GRM5: variants seen among roughly 807,000 people sequenced by gnomAD.
GRM5 encodes metabotropic glutamate receptor 5.
Under a neutral mutation model 83.1 loss-of-function variants are expected in GRM5, and 19 were observed. The observed-to-expected ratio is 0.23, with a 90% confidence interval of 0.16 to 0.34. GRM5 has a LOEUF of 0.34. Ranked by LOEUF, GRM5 falls within the 10% of genes least tolerant of loss-of-function variation. The pLI is 1.00. For missense variants in GRM5, 1,160 were observed against 1,588.3 expected (o/e 0.73, Z 4.58); for synonymous variants, 675 against 633.6 (o/e 1.07, Z -0.98).
chr11:88,842,026 C>T (rs577480111), intron 3 of GRM5, among the ~76,000 whole-genome samples: 1 of 152,208 alleles, frequency 6.6e-6, no homozygotes. Context: ...TAATTTTATG[C>T]AGTTATGATT....
Position 89,047,961 on chromosome 11 carries a change from T to C in GRM5, c.-89A>G. 3 of 921,740 alleles carry C rather than the reference T, an allele frequency of 3.3e-6. No homozygotes were observed. The highest frequency in any genetic ancestry group is 3.4e-6 in the Non-Finnish European group (2 of 594,212). 57.1% of individuals were successfully genotyped at this position (921,740 alleles called of 1,614,324 possible). Reference sequence around the variant, plus strand: ...AGCTACGAACAAGCGATGTCCTACGTTGAGTCGCAAATCAAGAAATTAGCC... The same window carrying C: ...AGCTACGAACAAGCGATGTCCTACGCTGAGTCGCAAATCAAGAAATTAGCC... On this transcript the variant is annotated 5_prime_UTR_variant, in exon 2 of 10. Transcript: ENST00000305447. The surrounding 1 kb of genome is among the most constrained non-coding windows in gnomAD (Gnocchi z 5.1).
intron 2 of GRM5, among the ~76,000 whole-genome samples, chr11:88,916,317 A>ATC (rs1361722264): frequency 1.3e-5 from 2 of 152,250 alleles, no homozygotes; most frequent in East Asian, 3.9e-4. Context: ...CCCCCAGTTC[A>ATC]TCACAAGGCA....
chr11:88,971,320 C>G (rs989921171), intron 2 of GRM5, among the ~76,000 whole-genome samples: 1 of 152,028 alleles, frequency 6.6e-6, no homozygotes, highest in East Asian at 1.9e-4. Context: ...GGCACATGTG[C>G]GGGTTTGACA....
intron 3 of GRM5, among the ~76,000 whole-genome samples, chr11:88,693,802 A>G (rs1035244213): frequency 1.1e-4 from 17 of 152,242 alleles, no homozygotes; most frequent in African/African-American, 3.9e-4. Flanking sequence ...CTAGAGCCAC[A>G]CTAATTGATC....
At chr11:88,865,054 A>C (rs1317180399) in intron 2 of GRM5, among the ~76,000 whole-genome samples, 2 of 152,048 alleles carry the variant, frequency 1.3e-5, no homozygotes, top group Non-Finnish European at 2.9e-5. Context: ...TCAAACAAAT[A>C]AGAGAGGACA....
chr11:88,854,830 T>C lies in GRM5; in HGVS notation c.662-4675A>G, dbSNP rs189709099. 1.4e-4 allele frequency among the ~76,000 whole-genome samples: 22 copies of C among 152,042 alleles called. No homozygotes were observed. The East Asian group carries it at 4.2e-3, about 29-fold the overall frequency. On this transcript the variant is annotated intron_variant, in intron 2 of 9. Transcript: ENST00000305447. ...TAAAATAAAAAACTTTCTGCTAACCTAGGAAAAATGTTTTATTTGAACTGT... is the reference window on the plus strand; with the variant it reads ...TAAAATAAAAAACTTTCTGCTAACCCAGGAAAAATGTTTTATTTGAACTGT...
intron 4 of GRM5, among the ~76,000 whole-genome samples, chr11:88,621,556 G>A (rs976445112): frequency 3.9e-5 from 6 of 152,062 alleles, no homozygotes; most frequent in African/African-American, 1.4e-4. Context: ...TTAGAAACTT[G>A]CTAATTGTTA....
intron 4 of GRM5, among the ~76,000 whole-genome samples, chr11:88,605,329 G>T (rs933158401): frequency 2.7e-5 from 4 of 150,720 alleles, no homozygotes; most frequent in African/African-American, 9.8e-5. Context: ...TACCTTTTTG[G>T]TTCAGAAATC....
intron 3 of GRM5, among the ~76,000 whole-genome samples, chr11:88,759,355 G>A (rs1265666321): frequency 2.0e-5 from 3 of 151,974 alleles, no homozygotes; most frequent in Non-Finnish European, 2.9e-5. Context: ...GACACACAAA[G>A]GTTCAAAATT....
chr11:88,964,427 T>C (rs559768363), intron 2 of GRM5, among the ~76,000 whole-genome samples: 88 of 152,248 alleles, frequency 5.8e-4, no homozygotes, highest in African/African-American at 2.0e-3. Flanking sequence ...ATTCTATATT[T>C]TGCTCAGTAG....
chr11:88,968,466 T>C (rs749313631), intron 2 of GRM5, among the ~76,000 whole-genome samples: 3 of 152,082 alleles, frequency 2.0e-5, no homozygotes, highest in Non-Finnish European at 4.4e-5. Context: ...GAGGATTACT[T>C]GAAGCTGGAA....
intron 8 of GRM5, among the ~76,000 whole-genome samples, chr11:88,555,161 TA>T (rs1489564482): frequency 6.6e-6 from 1 of 152,152 alleles, no homozygotes; most frequent in Non-Finnish European, 1.5e-5. Context: ...ACAGAGTTAA[TA>T]ATATCTGACT....
At chr11:88,943,199 T>C (rs1938169206) in intron 2 of GRM5, among the ~76,000 whole-genome samples, 1 of 152,114 alleles carries the variant, frequency 6.6e-6, no homozygotes, top group Non-Finnish European at 1.5e-5. Context: ...TGTTAGGCAA[T>C]TCCTTTTGAT....
intron 3 of GRM5, among the ~76,000 whole-genome samples, chr11:88,826,252 G>C (rs1352371569): frequency 1.3e-5 from 2 of 151,850 alleles, no homozygotes; most frequent in African/African-American, 4.8e-5. Flanking sequence ...ACAAGAAAGA[G>C]TATTTTACTT....
intron 3 of GRM5, among the ~76,000 whole-genome samples, chr11:88,769,335 T>A (rs958519560): frequency 6.6e-6 from 1 of 151,806 alleles, no homozygotes; most frequent in Non-Finnish European, 1.5e-5. Context: ...TATGGACTTG[T>A]GTATATACAC....
At chr11:88,971,177 A>G (rs537730183) in intron 2 of GRM5, among the ~76,000 whole-genome samples, 1 of 152,314 alleles carries the variant, frequency 6.6e-6, no homozygotes, top group African/African-American at 2.4e-5. Flanking sequence ...GTGCACAATG[A>G]TCAAATATGA....
chr11:89,023,781 C>T (rs777398930), intron 2 of GRM5, among the ~76,000 whole-genome samples: 6 of 151,484 alleles, frequency 4.0e-5, no homozygotes, highest in Admixed American at 3.3e-4. Context: ...ACCCAGGAGG[C>T]GGAGGTTGCA....
chr11:88,963,802 G>T (rs1938858149), intron 2 of GRM5, among the ~76,000 whole-genome samples: 1 of 152,168 alleles, frequency 6.6e-6, no homozygotes, highest in Non-Finnish European at 1.5e-5. Flanking sequence ...AGGCTGTGAA[G>T]ATACAGATAT....
intron 9 of GRM5, among the ~76,000 whole-genome samples, chr11:88,514,298 TTC>T (rs1221369012): frequency 6.6e-6 from 1 of 152,210 alleles, no homozygotes; most frequent in Admixed American, 6.5e-5. Context: ...GTTTATTTGT[TTC>T]ATTAGTTTTT....
Sources: allele counts gnomAD v4.1 joint callset (sites outside exome capture counted in the v4.1 genomes callset), GRCh38; gene constraint gnomAD v4.1.1; non-coding constraint Gnocchi (gnomAD v3.1); transcripts MANE v1.5; gene names NCBI Gene and HGNC (gene_info 2026-07-23, HGNC 2026-07-21).